SF3B1: variants seen among roughly 807,000 people sequenced by gnomAD.
The protein encoded by SF3B1 is splicing factor 3b subunit 1, also known as pre-mRNA processing 10.
In SF3B1, 12 loss-of-function variants were observed where a neutral mutation model predicts 153.8. That is an observed-to-expected ratio of 0.08 (90% CI 0.05 to 0.13). SF3B1 has a LOEUF of 0.13. Among genes scored for constraint, SF3B1 ranks in the 10% least tolerant of loss-of-function variants. The probability of loss-of-function intolerance (pLI) is 1.00; values close to 1 mark genes in which losing one functional copy is unlikely to be tolerated. For missense variants in SF3B1, 513 were observed against 1,606.1 expected (o/e 0.32, Z 11.63); for synonymous variants, 498 against 525.2 (o/e 0.95, Z 0.71).
At chr2:197,432,048 C>A (rs919070404) in intron 1 of SF3B1, among the ~76,000 whole-genome samples, 1 of 152,078 alleles carries the variant, frequency 6.6e-6, no homozygotes, top group African/African-American at 2.4e-5. Context: ...TCACTTGAGC[C>A]CAGCAGTTGT....
At position 197,409,303 on chromosome 2, in the gene SF3B1, G is replaced by A. The variant is rs2085034893; in HGVS notation, c.904+467C>T. 2.6e-5 allele frequency among the ~76,000 whole-genome samples: 4 copies of A among 152,146 alleles called. No individual in the cohort carries two copies. The South Asian group carries it at 8.3e-4, about 32-fold the overall frequency. ...AATCCCAGCTACTCAGGAAGGCTGA[G>A]GCAGGAGAATCGCCTGAATCCGGGA... On this transcript the variant is annotated intron_variant, in intron 7 of 24. Transcript: ENST00000335508.
At position 197,391,306 on chromosome 2, in the gene SF3B1, C is replaced by T. The variant is rs145799297; in HGVS notation, c.*997G>A. 1.3e-5 allele frequency: 2 copies of T among 152,292 alleles called. No homozygotes were observed. Among genetic ancestry groups the T allele is most frequent in the East Asian group, 3.9e-4 (2 of 5,178 alleles). 9.4% of individuals were successfully genotyped at this position (152,292 alleles called of 1,614,324 possible). ...TAGCTGCTGCCACTGTGTATTATCA[C>T]AGTACATAAGGAATCTGTCACAAGG... On this transcript the variant is annotated 3_prime_UTR_variant, in exon 25 of 25. Transcript: ENST00000335508.
In SF3B1 at chr2:197,401,671, A is replaced by C; in HGVS notation, c.2370+71T>G. ...CATACAGTTTTTTTTGTTGATTTTT[A>C]AAAACACTTTAAAATTCTGTTAGAA... On this transcript the variant is annotated intron_variant, in intron 16 of 24. Transcript: ENST00000335508. This position sits in a 1 kb window ranked among gnomAD's most constrained non-coding sequence, Gnocchi z 4.2. 6.6e-7 allele frequency: 1 copy of C among 1,525,932 alleles called. No homozygotes were observed. The highest frequency in any genetic ancestry group is 1.2e-5 in the South Asian group (1 of 82,424). The allele number at this position is 1,525,932 out of a possible 1,614,324, so 94.5% of individuals were successfully genotyped here. A position where few individuals can be genotyped will look rare whatever the true frequency, so the allele number is the denominator to read the frequency against.
At chr2:197,431,682 C>T (rs1351641030) in intron 1 of SF3B1, among the ~76,000 whole-genome samples, 1 of 152,110 alleles carries the variant, frequency 6.6e-6, no homozygotes, top group African/African-American at 2.4e-5. Context: ...AAAGACATCA[C>T]AGAAAAACAG....
At position 197,401,073 on chromosome 2, in the gene SF3B1, T is replaced by C; in HGVS notation, c.2497-137A>G. On this transcript the variant is annotated intron_variant, in intron 17 of 24. Coordinates refer to ENST00000335508, the MANE Select transcript of SF3B1 (RefSeq NM_012433.4). This position sits in a 1 kb window ranked among gnomAD's most constrained non-coding sequence, Gnocchi z 4.2. ...GGTAAGAATGATTCATTGCTACTTA[T>C]TAAAGTTGAAGAGAAAAGTGACCAA... 1 of 637,880 alleles carries C rather than the reference T, an allele frequency of 1.6e-6. No homozygotes were observed. Among genetic ancestry groups the C allele is most frequent in the Admixed American group, 3.1e-5 (1 of 32,492 alleles). The allele number at this position is 637,880 out of a possible 1,614,324, so 39.5% of individuals were successfully genotyped here.
intron 1 of SF3B1, among the ~76,000 whole-genome samples, chr2:197,433,164 C>G (rs1261844753): frequency 6.6e-6 from 1 of 152,230 alleles, no homozygotes; most frequent in Non-Finnish European, 1.5e-5. Context: ...ATGTGTATTT[C>G]TACTAAACAT....
At chr2:197,408,607 C>A in intron 7 of SF3B1, 26 bp from the exon 8 acceptor site, 2 of 1,431,578 alleles carry the variant, frequency 1.4e-6, no homozygotes, top group Non-Finnish European at 2.0e-6. Flanking sequence ...GTGAGTAAAA[C>A]CACAATTTTA....
intron 1 of SF3B1, among the ~76,000 whole-genome samples, chr2:197,426,925 T>C (rs1007062181): frequency 1.8e-4 from 28 of 152,344 alleles, no homozygotes; most frequent in African/African-American, 6.3e-4. Flanking sequence ...ATTGTGCAAC[T>C]TGCTTTTTCC....
chr2:197,403,858 AT>A, intron 11 of SF3B1, 94 bp from the exon 12 acceptor site: 1 of 909,280 alleles, frequency 1.1e-6, no homozygotes, highest in Non-Finnish European at 1.6e-6. Flanking sequence ...ATACTTTAAT[AT>A]TTTAGTGTTT....
intron 22 of SF3B1, among the ~76,000 whole-genome samples, chr2:197,397,534 G>A (rs775997708): frequency 1.3e-4 from 20 of 152,264 alleles, no homozygotes; most frequent in African/African-American, 2.9e-4. Flanking sequence ...AGTGGCTCAC[G>A]CCTGTAATCT....
intron 23 of SF3B1, 151 bp downstream of exon 23, chr2:197,395,905 T>G (rs767679428): frequency 3.3e-4 from 202 of 607,202 alleles, no homozygotes; most frequent in South Asian, 3.5e-4. Context: ...TTTAAAATAA[T>G]AAGTCATATT....
intron 6 of SF3B1, among the ~76,000 whole-genome samples, chr2:197,410,241 A>C (rs1186252592): frequency 6.6e-6 from 1 of 152,186 alleles, no homozygotes; most frequent in Non-Finnish European, 1.5e-5. Flanking sequence ...TCCCAGCTTA[A>C]AAAAACAAAA....
In SF3B1 at chr2:197,392,877, G is replaced by T. The variant is rs1253930554; in HGVS notation, c.3756+95C>A. Reference sequence around the variant, plus strand: ...ACCACCATGGCACATATATACCTATGTAACAAACCTGCACGTTCAGCACAA... The same window carrying T: ...ACCACCATGGCACATATATACCTATTTAACAAACCTGCACGTTCAGCACAA... On this transcript the variant is annotated intron_variant, in intron 24 of 24. Transcript: ENST00000335508. The T allele has an allele frequency of 1.4e-5, 10 of 731,278 alleles. No individual in the cohort carries two copies. In the East Asian group the frequency reaches 2.7e-4, roughly 20 times the overall value. The allele number at this position is 731,278 out of a possible 1,614,324, so 45.3% of individuals were successfully genotyped here.
chr2:197,398,344 T>G, intron 21 of SF3B1, 117 bp downstream of exon 21: 1 of 1,124,616 alleles, frequency 8.9e-7, no homozygotes, highest in Non-Finnish European at 1.3e-6. Context: ...TAATACTGGA[T>G]AGCCTAATCT....
intron 21 of SF3B1, 89 bp from the exon 22 acceptor site, chr2:197,398,205 A>T: frequency 9.2e-7 from 1 of 1,083,404 alleles, no homozygotes; most frequent in Middle Eastern, 2.5e-4. Flanking sequence ...AAACATGATT[A>T]ACTCATTTTA....
intron 9 of SF3B1, among the ~76,000 whole-genome samples, chr2:197,407,484 A>C (rs529178616): frequency 2.6e-5 from 4 of 152,176 alleles, no homozygotes; most frequent in African/African-American, 4.8e-5. Context: ...GGACACCTGT[A>C]ATCCCAGGTA....
chr2:197,432,824 C>G (rs2085461686), intron 1 of SF3B1, among the ~76,000 whole-genome samples: 2 of 152,024 alleles, frequency 1.3e-5, no homozygotes, highest in South Asian at 4.1e-4. Context: ...CGAGATTGCA[C>G]CACTGCACTT....
At chr2:197,420,149 C>T in intron 4 of SF3B1, 2 of 360,906 alleles carry the variant, frequency 5.5e-6, no homozygotes, top group Non-Finnish European at 5.1e-6. Flanking sequence ...GTATAGAAAG[C>T]GTACCCAAAA....
chr2:197,409,106 A>C (rs1192444312), intron 7 of SF3B1, among the ~76,000 whole-genome samples: 1 of 152,072 alleles, frequency 6.6e-6, no homozygotes, highest in Non-Finnish European at 1.5e-5. Flanking sequence ...AAAAATTTAA[A>C]AATTAGCCAG....
Sources: allele counts gnomAD v4.1 joint callset (sites outside exome capture counted in the v4.1 genomes callset), GRCh38; gene constraint gnomAD v4.1.1; non-coding constraint Gnocchi (gnomAD v3.1); transcripts MANE v1.5; gene names NCBI Gene and HGNC (gene_info 2026-07-23, HGNC 2026-07-21).